The following AMPH variants were observed in gnomAD, a reference collection of about 807,000 sequenced individuals.
The protein encoded by AMPH is amphiphysin, also known as amphiphysin (Stiff-Mann syndrome with breast cancer 128kD autoantigen).
A neutral mutation model predicts 99.1 loss-of-function variants in AMPH; 49 were observed. The observed-to-expected ratio is 0.49, with a 90% CI of 0.39 to 0.63. The LOEUF is 0.63. Ranked by LOEUF, AMPH falls within the 20% of genes least tolerant of loss-of-function variation. The probability of loss-of-function intolerance (pLI) is 0.00; values close to 1 mark genes in which losing one functional copy is unlikely to be tolerated. For missense variants in AMPH, 759 were observed against 863.4 expected, an observed-to-expected ratio of 0.88 and a Z score of 1.52; for synonymous variants, 314 against 317.3, an observed-to-expected ratio of 0.99 and a Z score of 0.11.
intron 17 of AMPH, among the ~76,000 whole-genome samples, chr7:38,408,822 T>G (rs1161881092): frequency 6.6e-6 from 1 of 152,190 alleles, no homozygotes; most frequent in Admixed American, 6.5e-5. Flanking sequence ...TATTTTGTCC[T>G]GTATTTGTTC....
In AMPH at chr7:38,587,012, TACACACAC is replaced by T. The variant is rs36077157; in HGVS notation, c.69+44263_69+44270del. On this transcript the variant is annotated intron_variant, in intron 1 of 20. Coordinates refer to ENST00000356264, the MANE Select transcript of AMPH (RefSeq NM_001635.4). ...ACCCAAATATTAGGAATTGTGTAAA[TACACACAC>T]ACACACACACACACACACATAAAAT... Among the ~76,000 whole-genome samples, 221 of 149,576 alleles carry T rather than the reference TACACACAC, an allele frequency of 1.5e-3. 4 individuals are homozygous for T. In the South Asian group the frequency reaches 0.027, roughly 18 times the overall value.
intron 1 of AMPH, among the ~76,000 whole-genome samples, chr7:38,581,135 A>G (rs1792441772): frequency 6.6e-6 from 1 of 152,168 alleles, no homozygotes; most frequent in Non-Finnish European, 1.5e-5. Flanking sequence ...GTCATAATAG[A>G]TTGTTCAGCT....
chr7:38,606,540 T>C (rs1182908259), intron 1 of AMPH, among the ~76,000 whole-genome samples: 1 of 151,376 alleles, frequency 6.6e-6, no homozygotes, highest in East Asian at 1.9e-4. Flanking sequence ...TCATCCATAC[T>C]GTGGCACGTC....
At chr7:38,411,421 T>C (rs1194230516) in intron 17 of AMPH, among the ~76,000 whole-genome samples, 2 of 152,138 alleles carry the variant, frequency 1.3e-5, no homozygotes. Flanking sequence ...ATCTCTAATC[T>C]CAAATCAAGC....
chr7:38,564,625 TCA>T (rs1337512106), intron 1 of AMPH, among the ~76,000 whole-genome samples: 2 of 152,128 alleles, frequency 1.3e-5, no homozygotes, highest in African/African-American at 4.8e-5. Context: ...ATCCAAATCC[TCA>T]GATATTCAGC....
chr7:38,631,203 C>T (rs1794450539), intron 1 of AMPH, 80 bp downstream of exon 1: 3 of 1,341,282 alleles, frequency 2.2e-6, no homozygotes, highest in Non-Finnish European at 2.9e-6. Context: ...GGCTCGGGCC[C>T]CGCACAGCTG....
At chr7:38,528,309 G>C (rs943480816) in intron 2 of AMPH, among the ~76,000 whole-genome samples, 4 of 152,122 alleles carry the variant, frequency 2.6e-5, no homozygotes, top group Non-Finnish European at 5.9e-5. Context: ...AAAAGATTAT[G>C]TAAAATTGAT....
At chr7:38,477,107 C>T (rs1222573861) in intron 5 of AMPH, 138 bp from the exon 6 acceptor site, 6 of 653,354 alleles carry the variant, frequency 9.2e-6, no homozygotes, top group South Asian at 3.7e-5. Context: ...TGGAGTTTCA[C>T]TAGCTAAGTG....
intron 1 of AMPH, among the ~76,000 whole-genome samples, chr7:38,588,137 A>G (rs543685171): frequency 1.1e-4 from 16 of 151,934 alleles, no homozygotes; most frequent in South Asian, 8.4e-4. Context: ...ATCTTTTTCT[A>G]GAGATGGGGT....
chr7:38,410,062 T>C (rs999561078), intron 17 of AMPH, among the ~76,000 whole-genome samples: 3 of 152,140 alleles, frequency 2.0e-5, no homozygotes, highest in Admixed American at 6.5e-5. Context: ...TGCAAATAGT[T>C]TGTTAAAGAG....
chr7:38,421,869 C>T (rs1785591014), intron 16 of AMPH, among the ~76,000 whole-genome samples: 1 of 152,190 alleles, frequency 6.6e-6, no homozygotes, highest in African/African-American at 2.4e-5. Flanking sequence ...AACTGCAACA[C>T]TGATCTTTTA....
At chr7:38,522,368 G>T (rs1027277378) in intron 2 of AMPH, among the ~76,000 whole-genome samples, 1 of 152,124 alleles carries the variant, frequency 6.6e-6, no homozygotes, top group African/African-American at 2.4e-5. Flanking sequence ...TATTGACATT[G>T]ATTTATTTTA....
intron 1 of AMPH, among the ~76,000 whole-genome samples, chr7:38,573,839 T>G (rs1230557106): frequency 6.6e-6 from 1 of 152,240 alleles, no homozygotes; most frequent in African/African-American, 2.4e-5. Context: ...TGTTTTAGAT[T>G]ATAGTTCTAA....
intron 11 of AMPH, among the ~76,000 whole-genome samples, chr7:38,451,428 TTTA>T (rs1251900145): frequency 6.7e-6 from 1 of 149,888 alleles, no homozygotes; most frequent in Admixed American, 6.6e-5. Context: ...ACATGATTGC[TTTA>T]TTTTTTGTCT....
At chr7:38,445,041 T>TATAC (rs776866249) in intron 11 of AMPH, among the ~76,000 whole-genome samples, 2,741 of 129,028 alleles carry the variant, frequency 0.021, 156 homozygotes, top group African/African-American at 0.052. Context: ...TACATATATA[T>TATAC]ACATATATAG....
intron 2 of AMPH, among the ~76,000 whole-genome samples, chr7:38,533,308 C>T (rs915083025): frequency 1.3e-5 from 2 of 152,258 alleles, no homozygotes; most frequent in East Asian, 3.9e-4. Context: ...GTTCATTTGG[C>T]CATGATCAAT....
chr7:38,404,428 G>T (rs1784926206), intron 17 of AMPH, among the ~76,000 whole-genome samples: 1 of 152,022 alleles, frequency 6.6e-6, no homozygotes, highest in Non-Finnish European at 1.5e-5. Flanking sequence ...CACACTCCCA[G>T]CCCCACAGAA....
intron 11 of AMPH, among the ~76,000 whole-genome samples, chr7:38,455,713 A>AAAT (rs1254833707): frequency 2.0e-5 from 3 of 152,200 alleles, no homozygotes; most frequent in African/African-American, 7.2e-5. Context: ...TTACATGGGT[A>AAAT]GCTGCCTAGG....
chr7:38,477,604 T>C (rs1228445279), intron 5 of AMPH, among the ~76,000 whole-genome samples: 1 of 152,170 alleles, frequency 6.6e-6, no homozygotes, highest in East Asian at 1.9e-4. Flanking sequence ...AGACATTCCC[T>C]TGCAGTGTGG....
Sources: allele counts gnomAD v4.1 joint callset (sites outside exome capture counted in the v4.1 genomes callset), GRCh38; gene constraint gnomAD v4.1.1; transcripts MANE v1.5; gene names NCBI Gene and HGNC (gene_info 2026-07-23, HGNC 2026-07-21).